The following RALGPS2 variants were observed in gnomAD, a reference collection of about 807,000 sequenced individuals.
RALGPS2 encodes the protein Ral GEF with PH domain and SH3 binding motif 2, also known as ras-specific guanine nucleotide-releasing factor RalGPS2.
Under a neutral mutation model 86.8 loss-of-function variants are expected in RALGPS2, and 43 were observed. The ratio of observed to expected loss-of-function variants is 0.50; its 90% CI spans 0.39 to 0.64. The LOEUF (loss-of-function observed/expected upper bound fraction) is 0.64. Ranked by LOEUF, RALGPS2 falls within the 30% of genes least tolerant of loss-of-function variation. The pLI is 0.00. For missense variants in RALGPS2, 536 were observed against 694.6 expected (o/e 0.77, Z 2.57); for synonymous variants, 243 against 231.3 (o/e 1.05, Z -0.46).
chr1:178,882,021 G>T (rs1467276822), intron 10 of RALGPS2, among the ~76,000 whole-genome samples: 2 of 152,006 alleles, frequency 1.3e-5, no homozygotes, highest in East Asian at 3.9e-4. Context: ...AATTCTTCTG[G>T]GTGATTTTAT....
intron 4 of RALGPS2, among the ~76,000 whole-genome samples, chr1:178,806,602 T>C (rs907985463): frequency 4.6e-5 from 7 of 152,162 alleles, no homozygotes; most frequent in Non-Finnish European, 1.0e-4. Context: ...ATTTCTCTTA[T>C]ATTTTTTATT....
chr1:178,856,567 T>G (rs1354615671), intron 8 of RALGPS2, among the ~76,000 whole-genome samples: 1 of 151,382 alleles, frequency 6.6e-6, no homozygotes, highest in African/African-American at 2.4e-5. Context: ...TTTACATTGA[T>G]TGTATTTTGA....
At chr1:178,771,741 G>A (rs1053982470) in intron 1 of RALGPS2, among the ~76,000 whole-genome samples, 3 of 152,034 alleles carry the variant, frequency 2.0e-5, no homozygotes, top group African/African-American at 7.3e-5. Flanking sequence ...GTGTATGTTG[G>A]TTCATCTCTC....
At chr1:178,789,132 C>G (rs535483013) in intron 4 of RALGPS2, among the ~76,000 whole-genome samples, 1 of 152,256 alleles carries the variant, frequency 6.6e-6, no homozygotes, top group Admixed American at 6.5e-5. Context: ...GTCTCAAACT[C>G]CTGGCCTCAA....
chr1:178,820,637 G>C (rs917347381), intron 6 of RALGPS2, among the ~76,000 whole-genome samples: 1 of 152,070 alleles, frequency 6.6e-6, no homozygotes, highest in African/African-American at 2.4e-5. Flanking sequence ...AATTGGATTT[G>C]TATTTGTTTT....
Position 178,831,362 on chromosome 1 carries a change from A to G in RALGPS2, c.481-2062A>G, listed in dbSNP as rs1656010556. On this transcript the variant is annotated intron_variant, in intron 7 of 19. Transcript: ENST00000367635. The stretch of plus-strand genomic sequence containing the variant: ...ACACATTCACACATATTGTGTGAAG[A>G]TACAAACCAAGGTGATGAGGAATAA... Among the ~76,000 whole-genome samples, 3 of 152,238 alleles carry G rather than the reference A, an allele frequency of 2.0e-5. No individual in the cohort carries two copies. The South Asian group carries it at 6.2e-4, about 32-fold the overall frequency.
intron 1 of RALGPS2, among the ~76,000 whole-genome samples, chr1:178,771,647 A>C (rs1652818052): frequency 6.6e-6 from 1 of 152,052 alleles, no homozygotes; most frequent in Non-Finnish European, 1.5e-5. Context: ...TTTCTAATTA[A>C]TGTCTTTGTA....
rs1408547590 is a variant in RALGPS2 at position 178,729,256 on chromosome 1, C to G, written c.-84+3837C>G. 3.9e-5 allele frequency among the ~76,000 whole-genome samples: 6 copies of G among 152,178 alleles called. No homozygotes were observed. The East Asian group carries it at 1.2e-3, about 29-fold the overall frequency. On this transcript the variant is annotated intron_variant, in intron 1 of 19. Coordinates refer to ENST00000367635, the MANE Select transcript of RALGPS2 (RefSeq NM_152663.5). Reference sequence around the variant, plus strand: ...ATAGCATCCCCCATCATACTCTGTGCCTTTGCCTTGCTTTATTTATTTATT... The same window carrying G: ...ATAGCATCCCCCATCATACTCTGTGGCTTTGCCTTGCTTTATTTATTTATT...
chr1:178,745,251 GGGGGAATAGAA>G (rs57978838), intron 1 of RALGPS2, among the ~76,000 whole-genome samples: 2,158 of 152,212 alleles, frequency 0.014, 51 homozygotes, highest in African/African-American at 0.049. Context: ...GCGGTGGGGT[GGGGGAATAGAA>G]ATTGGCAAGC....
intron 8 of RALGPS2, among the ~76,000 whole-genome samples, chr1:178,840,058 T>G (rs1343576738): frequency 6.6e-6 from 1 of 152,108 alleles, no homozygotes; most frequent in Non-Finnish European, 1.5e-5. Context: ...AATGGGAGAC[T>G]TTAACACCCC....
chr1:178,789,378 A>G (rs1572334718), intron 4 of RALGPS2, among the ~76,000 whole-genome samples: 1 of 152,378 alleles, frequency 6.6e-6, no homozygotes, highest in East Asian at 1.9e-4. Context: ...ATGTGAAACA[A>G]GAGTAGAGGA....
In RALGPS2 at chr1:178,915,751, A is replaced by G. The variant is rs547419779; in HGVS notation, c.1723-579A>G. ...AGCTGTCTTAAGGACAGAAAAGACCACTGACATATGAATACCTCTCCCAGT... is the reference window on the plus strand; with the variant it reads ...AGCTGTCTTAAGGACAGAAAAGACCGCTGACATATGAATACCTCTCCCAGT... On this transcript the variant is annotated intron_variant, in intron 19 of 19. Transcript: ENST00000367635. 1.8e-4 allele frequency among the ~76,000 whole-genome samples: 27 copies of G among 152,312 alleles called. No individual in the cohort carries two copies. The East Asian group carries it at 4.8e-3, about 27-fold the overall frequency.
At chr1:178,857,470 T>G (rs1188802604) in intron 8 of RALGPS2, among the ~76,000 whole-genome samples, 1 of 152,114 alleles carries the variant, frequency 6.6e-6, no homozygotes, top group East Asian at 1.9e-4. Flanking sequence ...AAAGAGAGAA[T>G]TCCACTATAA....
chr1:178,918,259 C>T lies in RALGPS2; in HGVS notation c.*1900C>T, dbSNP rs564115662. 11 of 152,246 alleles carry T rather than the reference C, an allele frequency of 7.2e-5. No individual in the cohort carries two copies. Among genetic ancestry groups the T allele is most frequent in the African/African-American group, 2.2e-4 (9 of 41,570 alleles). 9.4% of individuals were successfully genotyped at this position (152,246 alleles called of 1,614,324 possible). On this transcript the variant is annotated 3_prime_UTR_variant, in exon 20 of 20. Transcript: ENST00000367635. ...AAAGACATAGCCAGCAGTATTACTA[C>T]GTAGACCTTGCACATCTTACTTTTG...
intron 1 of RALGPS2, among the ~76,000 whole-genome samples, chr1:178,752,502 C>G (rs1011240021): frequency 4.6e-5 from 7 of 152,032 alleles, no homozygotes; most frequent in African/African-American, 1.7e-4. Flanking sequence ...CCTGCAGCTA[C>G]TCCTACTGCT....
At chr1:178,879,023 A>G (rs1659114722) in intron 10 of RALGPS2, 31 bp downstream of exon 10, 1 of 1,607,594 alleles carries the variant, frequency 6.2e-7, no homozygotes, top group Non-Finnish European at 8.5e-7. Context: ...TGGTTTGTAT[A>G]ACTTTGTCCT....
chr1:178,861,246 T>A (rs1657990507), intron 8 of RALGPS2, among the ~76,000 whole-genome samples: 1 of 152,170 alleles, frequency 6.6e-6, no homozygotes, highest in Admixed American at 6.5e-5. Context: ...AGATCCACAT[T>A]TATAGAATAA....
At chr1:178,865,339 A>G (rs1167221770) in intron 8 of RALGPS2, 1 of 1,614,096 alleles carries the variant, frequency 6.2e-7, no homozygotes, top group Non-Finnish European at 8.5e-7. Context: ...CAAGTGAATT[A>G]TCCCTCTTAC....
At chr1:178,806,224 G>A (rs1654733333) in intron 4 of RALGPS2, among the ~76,000 whole-genome samples, 2 of 152,144 alleles carry the variant, frequency 1.3e-5, no homozygotes, top group South Asian at 2.1e-4. Flanking sequence ...AATTCTCTGA[G>A]ATGTTCATGT....
Sources: allele counts gnomAD v4.1 joint callset (sites outside exome capture counted in the v4.1 genomes callset), GRCh38; gene constraint gnomAD v4.1.1; transcripts MANE v1.5; gene names NCBI Gene and HGNC (gene_info 2026-07-23, HGNC 2026-07-21).